Variants in DMD observed in about 807,000 individuals in gnomAD.
The protein encoded by DMD is dystrophin.
A neutral mutation model predicts 330.1 loss-of-function variants in DMD; 63 were observed. That is an observed-to-expected ratio of 0.19 (90% CI 0.16 to 0.24). The LOEUF (loss-of-function observed/expected upper bound fraction) is 0.24. Among genes scored for constraint, DMD ranks in the 10% least tolerant of loss-of-function variants. The pLI is 1.00. For missense variants in DMD, 3,344 were observed against 2,684.1 expected, an observed-to-expected ratio of 1.25 and a Z score of -5.43; for synonymous variants, 1,223 against 959.8, an observed-to-expected ratio of 1.27 and a Z score of -5.07.
intron 2 of DMD, among the ~76,000 whole-genome samples, chrX:33,010,270 G>GTA (rs1413510230): frequency 1.4e-4 from 9 of 64,322 alleles, no homozygotes; most frequent in Admixed American, 3.2e-4. Flanking sequence ...AAATATGTGT[G>GTA]TATATGTACA....
At chrX:32,012,117 T>C (rs890214449) in intron 44 of DMD, among the ~76,000 whole-genome samples, 4 of 112,384 alleles carry the variant, frequency 3.6e-5, no homozygotes, top group African/African-American at 9.7e-5. Flanking sequence ...CCCTGAAATA[T>C]TGCAATAGCC....
At chrX:31,206,276 T>C (rs1318457759) in intron 66 of DMD, among the ~76,000 whole-genome samples, 11 of 112,441 alleles carry the variant, frequency 9.8e-5, no homozygotes, top group Non-Finnish European at 1.9e-5. Flanking sequence ...TTTTTCCGAC[T>C]TACAGAAAGA....
At chrX:31,804,824 C>T (rs2092231991) in intron 50 of DMD, among the ~76,000 whole-genome samples, 1 of 108,673 alleles carries the variant, frequency 9.2e-6, no homozygotes, top group Non-Finnish European at 1.9e-5. Flanking sequence ...CTTCAAGTCT[C>T]ATCTTCAAAT....
intron 4 of DMD, among the ~76,000 whole-genome samples, chrX:32,840,268 A>G (rs1179734574): frequency 8.9e-6 from 1 of 111,840 alleles, no homozygotes; most frequent in East Asian, 2.8e-4. Flanking sequence ...GAGGTTCTAT[A>G]TTTTCTGTAA....
At chrX:32,251,905 G>A (rs1419284666) in intron 43 of DMD, among the ~76,000 whole-genome samples, 1 of 111,319 alleles carries the variant, frequency 9.0e-6, no homozygotes, top group Non-Finnish European at 1.9e-5. Context: ...GGTGATATGG[G>A]AGGATTGCTT....
intron 7 of DMD, among the ~76,000 whole-genome samples, chrX:32,804,575 C>T (rs1437912239): frequency 1.8e-5 from 2 of 112,506 alleles, no homozygotes; most frequent in East Asian, 2.8e-4. Context: ...TCTTGCCTGC[C>T]GGCTCTGAAG....
rs182146573 is a variant in DMD, at chrX:31,574,815, T to G, written c.8217+52858A>C. Among the ~76,000 whole-genome samples the G allele has an allele frequency of 2.1e-4, 23 of 111,894 alleles. 2 individuals are homozygous for G. The highest frequency in any genetic ancestry group is 7.5e-4 in the African/African-American group (23 of 30,853). The stretch of plus-strand genomic sequence containing the variant: ...AGACATAAAATTAACATCAATTCAT[T>G]CTCAAGAGACAAAATAAAACTACGA... On this transcript the variant is annotated intron_variant, in intron 55 of 78. Coordinates refer to ENST00000357033, the MANE Select transcript of DMD (RefSeq NM_004006.3).
intron 43 of DMD, among the ~76,000 whole-genome samples, chrX:32,250,028 C>G (rs184119296): frequency 8.1e-4 from 91 of 111,835 alleles, no homozygotes; most frequent in African/African-American, 2.7e-3. Context: ...ATTAAGTACA[C>G]AAGTATATTC....
chrX:32,848,914 TG>T (rs2080906657), intron 3 of DMD, among the ~76,000 whole-genome samples: 2 of 110,380 alleles, frequency 1.8e-5, no homozygotes, highest in African/African-American at 3.3e-5. Context: ...GGAGGCAGGC[TG>T]GGGTAGATAG....
At chrX:31,822,653 G>GGTGTGTGTGTGTGTGTGTGTGT (rs1556919105) in intron 49 of DMD, among the ~76,000 whole-genome samples, 975 of 65,738 alleles carry the variant, frequency 0.015, 37 homozygotes, top group Admixed American at 0.022. Flanking sequence ...AAGGCAGAGG[G>GGTGTGTGTGTGTGTGTGTGTGT]GTGTGTGTGT....
At chrX:32,738,203 A>G (rs2068771259) in intron 7 of DMD, among the ~76,000 whole-genome samples, 1 of 112,004 alleles carries the variant, frequency 8.9e-6, no homozygotes, top group South Asian at 3.7e-4. Context: ...GTGGTTGCGT[A>G]GGCACAGGAA....
At chrX:32,866,858 C>CA (rs746325546) in intron 2 of DMD, among the ~76,000 whole-genome samples, 201 of 109,964 alleles carry the variant, frequency 1.8e-3, no homozygotes, top group African/African-American at 6.1e-3. Context: ...CTCAGCCTTC[C>CA]AAGTAGCTGG....
intron 62 of DMD, among the ~76,000 whole-genome samples, chrX:31,292,016 A>G (rs1286061595): frequency 8.9e-6 from 1 of 111,900 alleles, no homozygotes; most frequent in East Asian, 2.8e-4. Context: ...GTAAGTTTCT[A>G]GAAGATAATA....
intron 67 of DMD, among the ~76,000 whole-genome samples, chrX:31,187,570 T>C (rs1433485257): frequency 9.0e-6 from 1 of 111,375 alleles, no homozygotes; most frequent in African/African-American, 3.3e-5. Context: ...TCCAGCAAAA[T>C]GCTTCACGAG....
At chrX:32,220,914 A>G (rs996007610) in intron 43 of DMD, among the ~76,000 whole-genome samples, 13 of 111,687 alleles carry the variant, frequency 1.2e-4, no homozygotes, top group African/African-American at 3.9e-4. Flanking sequence ...AGGGCAAAAA[A>G]ATGTCAGTAT....
At chrX:33,303,388 ATTC>A (rs1387950225) in intron 1 of DMD, among the ~76,000 whole-genome samples, 3 of 112,089 alleles carry the variant, frequency 2.7e-5, no homozygotes, top group Non-Finnish European at 5.6e-5. Context: ...TAAAGCCAAC[ATTC>A]TTCTTTCCAC....
chrX:32,615,646 A>T (rs2057504421), intron 11 of DMD, among the ~76,000 whole-genome samples: 1 of 111,544 alleles, frequency 9.0e-6, no homozygotes, highest in African/African-American at 3.2e-5. Flanking sequence ...TCTTTACTGG[A>T]AGTTTCCATT....
At chrX:32,140,981 A>T (rs909083134) in intron 44 of DMD, among the ~76,000 whole-genome samples, 3 of 111,761 alleles carry the variant, frequency 2.7e-5, no homozygotes, top group East Asian at 5.6e-4. Flanking sequence ...GGCAGATATA[A>T]CCTGCAGCTG....
In DMD at chrX:32,565,862, T is replaced by C; in HGVS notation, c.1832A>G (p.Glu611Gly). ...QKLAVLKADL[E>G]KKKQSMGKLY... is the part of the protein sequence containing the mutation. Reference sequence around the variant, plus strand: ...TTTGCCCATGGATTGCTTTTTCTTTTCTAGATCCGCTTTTAAAACCTGTTA... The same window carrying C: ...TTTGCCCATGGATTGCTTTTTCTTTCCTAGATCCGCTTTTAAAACCTGTTA... The change falls in exon 16 of 79, where the codon GAA becomes GGA. Residue 611 changes from glutamate to glycine, a missense_variant. Glu to Gly is a moderately conservative substitution (Grantham distance 98). Transcript: ENST00000357033. 1 of 1,211,049 alleles carries C rather than the reference T, an allele frequency of 8.3e-7. No individual in the cohort carries two copies. The highest frequency in any genetic ancestry group is 1.1e-6 in the Non-Finnish European group (1 of 894,949).
Sources: allele counts gnomAD v4.1 joint callset (sites outside exome capture counted in the v4.1 genomes callset), GRCh38; gene constraint gnomAD v4.1.1; transcripts MANE v1.5; gene names NCBI Gene and HGNC (gene_info 2026-07-23, HGNC 2026-07-21).